FER1L5: variants seen among roughly 807,000 people sequenced by gnomAD.
FER1L5 encodes the protein fer-1-like protein 5.
FER1L5 carries 187 observed loss-of-function variants against 279.9 expected under a neutral mutation model. That is an observed-to-expected ratio of 0.67 (90% CI 0.59 to 0.75). The LOEUF (loss-of-function observed/expected upper bound fraction) is 0.75, where lower values mean the gene tolerates loss of function less well. Among genes scored for constraint, FER1L5 ranks in the 30% least tolerant of loss-of-function variants. The probability of loss-of-function intolerance (pLI) is 0.00; values close to 1 mark genes in which losing one functional copy is unlikely to be tolerated. For missense variants in FER1L5, 2,091 were observed against 2,594.4 expected (o/e 0.81, Z 4.21); for synonymous variants, 921 against 989.7 (o/e 0.93, Z 1.30).
chr2:96,649,184 TG>T (rs1299430766), intron 4 of FER1L5, among the ~76,000 whole-genome samples: 1 of 152,096 alleles, frequency 6.6e-6, no homozygotes, highest in Non-Finnish European at 1.5e-5. Context: ...ATCCTGGTGA[TG>T]GTCTGGAGGC....
intron 42 of FER1L5, 75 bp downstream of exon 42, chr2:96,699,211 C>A: frequency 6.9e-7 from 1 of 1,452,966 alleles, no homozygotes; most frequent in Non-Finnish European, 9.4e-7. Flanking sequence ...GGAGAAGGCA[C>A]AGAACTCTGG....
At chr2:96,659,651 C>G (rs1019160553) in intron 9 of FER1L5, among the ~76,000 whole-genome samples, 2 of 150,512 alleles carry the variant, frequency 1.3e-5, no homozygotes, top group Admixed American at 1.3e-4. Flanking sequence ...GCCACCACGC[C>G]CGGCTAATTT....
At chr2:96,672,397 G>A (rs1257127634) in intron 18 of FER1L5, among the ~76,000 whole-genome samples, 5 of 152,102 alleles carry the variant, frequency 3.3e-5, no homozygotes, top group East Asian at 3.9e-4. Flanking sequence ...TTTTTTTAAC[G>A]TGAAAGGAAA....
Position 96,647,071 on chromosome 2 carries a change from T to C in FER1L5, c.146T>C (p.Ile49Thr). The change falls in exon 3 of 53, where the codon ATC becomes ACC. Residue 49 changes from isoleucine to threonine, a missense_variant. Physicochemically the swap from Ile to Thr is moderately conservative, Grantham distance 89 (BLOSUM62 -1). Transcript: ENST00000624922. ...TCTCTATGCCCCCCACAGACCCTAA[T>C]CTGGCACCTCTGGAACCGCCCCCTG... ...GNDPVWNETL[I>T]WHLWNRPLEN... 1 of 1,551,580 alleles carries C rather than the reference T, an allele frequency of 6.4e-7. No homozygotes were observed. Among genetic ancestry groups the C allele is most frequent in the Non-Finnish European group, 8.7e-7 (1 of 1,146,974 alleles).
At position 96,691,528 on chromosome 2, in the gene FER1L5, G is replaced by A. The variant is rs1558912700; in HGVS notation, c.2991G>A (p.Arg997=). Residue 997 remains arginine, a synonymous_variant, in exon 29 of 53, where the codon CGG becomes CGA. Coordinates refer to ENST00000624922, the MANE Select transcript of FER1L5 (RefSeq NM_001293083.2). The surrounding 1 kb of genome is among the most constrained non-coding windows in gnomAD (Gnocchi z 6.0). ...ACCTCAACCCTCAGCCCCAGAGCCG[G>A]TTCCGCCGCCGCTGCTGGCGCCGCA... ...KFHLNPQPQS[R]FRRRCWRRRL... 1 of 1,550,250 alleles carries A rather than the reference G, an allele frequency of 6.5e-7. No homozygotes were observed. Among genetic ancestry groups the A allele is most frequent in the Non-Finnish European group, 8.7e-7 (1 of 1,146,576 alleles).
At chr2:96,671,615 C>T (rs2076332457) in intron 18 of FER1L5, among the ~76,000 whole-genome samples, 1 of 152,194 alleles carries the variant, frequency 6.6e-6, no homozygotes, top group African/African-American at 2.4e-5. Context: ...AGGGATGTGA[C>T]ATCAACACAC....
chr2:96,656,694 T>C (rs1366371110), intron 9 of FER1L5, among the ~76,000 whole-genome samples: 1 of 151,670 alleles, frequency 6.6e-6, no homozygotes, highest in Non-Finnish European at 1.5e-5. Flanking sequence ...AAGTGGTTAA[T>C]ATGCATTTTA....
At position 96,686,310 on chromosome 2, in the gene FER1L5, C is replaced by T; in HGVS notation, c.2189C>T (p.Ser730Phe). 1 of 1,551,540 alleles carries T rather than the reference C, an allele frequency of 6.4e-7. No individual in the cohort carries two copies. Among genetic ancestry groups the T allele is most frequent in the East Asian group, 2.4e-5 (1 of 40,918 alleles). Residue 730 changes from serine (S) to phenylalanine (F), a missense_variant, in exon 23 of 53, where the codon TCC (serine) becomes TTC (phenylalanine). Coordinates refer to ENST00000624922, the MANE Select transcript of FER1L5 (RefSeq NM_001293083.2). ...TTCTCCCCGGCAGGGGCTCTGCACT[C>T]CGGCAGGCTCTGTGGGAAGATACAG... is the stretch of plus-strand genomic sequence containing the variant. ...VLFSPAGALH[S>F]GRLCGKIQTL...
chr2:96,704,304 C>G lies in FER1L5; in HGVS notation c.5891C>G (p.Ala1964Gly). The change falls in exon 52 of 53, where the codon GCC (alanine) becomes GGC (glycine). Residue 1964 changes from alanine to glycine, a missense_variant. Transcript: ENST00000624922. The part of the protein sequence containing the change: ...FWKRYRFKLI[A>G]FMVISIIALM... ...AAACGCTATCGCTTCAAACTCATAG[C>G]CTTTATGGTCATATCGATTATAGCA... 6.2e-7 allele frequency: 1 copy of G among 1,613,972 alleles called. No homozygotes were observed. Among genetic ancestry groups the G allele is most frequent in the South Asian group, 1.1e-5 (1 of 91,082 alleles).
intron 27 of FER1L5, 136 bp downstream of exon 27, chr2:96,690,725 T>C (rs930519919): frequency 2.5e-5 from 18 of 731,226 alleles, no homozygotes; most frequent in Non-Finnish European, 3.9e-5. Context: ...CCTCCAGAGC[T>C]GGGTCTCCAG....
In FER1L5 at chr2:96,691,244, C is replaced by T. The variant is rs1027537681; in HGVS notation, c.2798C>T (p.Pro933Leu). Residue 933 changes from proline to leucine, a missense_variant, in exon 28 of 53, where the codon CCG becomes CTG. By Grantham distance (98) the Pro-to-Leu change is moderately conservative. Coordinates refer to ENST00000624922, the MANE Select transcript of FER1L5 (RefSeq NM_001293083.2). This position sits in a 1 kb window ranked among gnomAD's most constrained non-coding sequence, Gnocchi z 6.0. ...TCGGGCCTGCCCCAGGTCTGGAGCC[C>T]GGTGGAGAAGACCTACCACTCGTGC... is the stretch of plus-strand genomic sequence containing the variant. ...PPSGLPQVWSPVEKTYHSCRR... is the reference protein window; with the variant it reads ...PPSGLPQVWSLVEKTYHSCRR... 8 of 1,550,274 alleles carry T rather than the reference C, an allele frequency of 5.2e-6. No individual in the cohort carries two copies. The highest frequency in any genetic ancestry group is 4.1e-5 in the African/African-American group (3 of 73,070).
At chr2:96,701,518 T>C (rs1423082414) in intron 45 of FER1L5, among the ~76,000 whole-genome samples, 1 of 152,160 alleles carries the variant, frequency 6.6e-6, no homozygotes, top group Non-Finnish European at 1.5e-5. Context: ...TACCCTTAGG[T>C]TGTAGTTCAT....
At position 96,661,437 on chromosome 2, in the gene FER1L5, C is replaced by T. The variant is rs1363063040; in HGVS notation, c.891C>T (p.Ala297=). ...TIYALGVGDQ[A]LIDQKLLYGT... is the part of the protein sequence containing the mutation. The stretch of plus-strand genomic sequence containing the variant: ...ATGCCCTCGGTGTGGGAGACCAGGC[C>T]CTGGTGAGCTGCCCCTAACCCCGGA... The change falls in exon 11 of 53, where the codon GCC becomes GCT. Residue 297 remains alanine (A), a synonymous_variant. Transcript: ENST00000624922. 1.3e-6 allele frequency: 2 copies of T among 1,551,148 alleles called. No homozygotes were observed. The highest frequency in any genetic ancestry group is 1.2e-5 in the South Asian group (1 of 84,054).
At chr2:96,683,494 C>T (rs2076806620) in intron 19 of FER1L5, among the ~76,000 whole-genome samples, 1 of 151,778 alleles carries the variant, frequency 6.6e-6, no homozygotes, top group South Asian at 2.1e-4. Flanking sequence ...ATTACATCTG[C>T]AAAGCCCCCA....
Position 96,691,068 on chromosome 2 carries a change from C to A in FER1L5, c.2744-122C>A. The A allele has an allele frequency of 1.6e-6, 2 of 1,286,968 alleles. No homozygotes were observed. The highest frequency in any genetic ancestry group is 2.1e-6 in the Non-Finnish European group (2 of 958,948). The allele number at this position is 1,286,968 out of a possible 1,614,324, so 79.7% of individuals were successfully genotyped here. A position where few individuals can be genotyped will look rare whatever the true frequency, so the allele number is the denominator to read the frequency against. On this transcript the variant is annotated intron_variant, in intron 27 of 52. Coordinates refer to ENST00000624922, the MANE Select transcript of FER1L5 (RefSeq NM_001293083.2). The surrounding 1 kb of genome is among the most constrained non-coding windows in gnomAD (Gnocchi z 6.0). ...TAGCCACACTCTCCTTTCCACACCT[C>A]AGGGCCAGAGACCTGGATGTGAGGG...
At chr2:96,703,446 A>T in intron 50 of FER1L5, 77 bp from the exon 51 acceptor site, 1 of 1,606,740 alleles carries the variant, frequency 6.2e-7, no homozygotes. Context: ...TCCTTTCTTG[A>T]TCCCGGGAAG....
In FER1L5 at chr2:96,704,269, T is replaced by C. The variant is rs182527979; in HGVS notation, c.5856T>C (p.Tyr1952=). The C allele has an allele frequency of 6.2e-6, 10 of 1,614,046 alleles. No individual in the cohort carries two copies. The Admixed American group carries it at 1.2e-4, about 19-fold the overall frequency. ...WLRSPVQNFC[Y]IFWKRYRFKL... ...GGTCACCAGTTCAAAACTTCTGCTA[T>C]ATTTTCTGGAAACGCTATCGCTTCA... Residue 1952 remains tyrosine (Y), a synonymous_variant, in exon 52 of 53, where the codon TAT becomes TAC. Transcript: ENST00000624922.
chr2:96,659,454 T>TTTCTTTCTTTCTTTCTTTCTTTC (rs2075835580), intron 9 of FER1L5, among the ~76,000 whole-genome samples: 2 of 28,798 alleles, frequency 6.9e-5, no homozygotes, highest in African/African-American at 2.7e-4. Flanking sequence ...TCTTTCTTTC[T>TTTCTTTCTTTCTTTCTTTCTTTC]TTCTTTCTTT....
At chr2:96,660,015 G>A (rs1488032617) in intron 9 of FER1L5, among the ~76,000 whole-genome samples, 1 of 152,174 alleles carries the variant, frequency 6.6e-6, no homozygotes, top group Non-Finnish European at 1.5e-5. Flanking sequence ...CCCCAGGACC[G>A]GTGAGCCCTT....
Sources: allele counts gnomAD v4.1 joint callset (sites outside exome capture counted in the v4.1 genomes callset), GRCh38; gene constraint gnomAD v4.1.1; non-coding constraint Gnocchi (gnomAD v3.1); transcripts MANE v1.5; gene names NCBI Gene and HGNC (gene_info 2026-07-23, HGNC 2026-07-21).